Variants in TAF5 observed in about 807,000 individuals in gnomAD.
TAF5 encodes the protein TATA-box binding protein associated factor 5.
TAF5 carries 20 observed loss-of-function variants against 80.9 expected under a neutral mutation model. That is an observed-to-expected ratio of 0.25 (90% confidence interval 0.17 to 0.36). TAF5 has a LOEUF of 0.36. Among genes scored for constraint, TAF5 ranks in the 10% least tolerant of loss-of-function variants. The pLI is 1.00. For missense variants in TAF5, 863 were observed against 1,029.4 expected, an observed-to-expected ratio of 0.84 and a Z score of 2.21; for synonymous variants, 388 against 406.4, an observed-to-expected ratio of 0.95 and a Z score of 0.55.
chr10:103,387,042 T>A (rs1236926104), intron 8 of TAF5, 133 bp from the exon 9 acceptor site: 4 of 778,940 alleles, frequency 5.1e-6, no homozygotes, highest in Non-Finnish European at 7.8e-6. Context: ...TCCCCTCAGT[T>A]AACTAGTAAG....
At chr10:103,369,176 A>G (rs933325040) in intron 1 of TAF5, among the ~76,000 whole-genome samples, 21 of 150,960 alleles carry the variant, frequency 1.4e-4, no homozygotes, top group African/African-American at 4.6e-4. Context: ...GCGGGCTTTC[A>G]CCATGTTGGT....
In TAF5 at chr10:103,388,970, A is replaced by G. The variant is rs895502776; in HGVS notation, c.*747A>G. ...TTTGGGAAACTAAAAGATTTAGACCAAGTCACTGCCAGTTTTTGCCTTTGT... is the reference window on the plus strand; with the variant it reads ...TTTGGGAAACTAAAAGATTTAGACCGAGTCACTGCCAGTTTTTGCCTTTGT... On this transcript the variant is annotated 3_prime_UTR_variant, in exon 11 of 11. Transcript: ENST00000369839. 6.6e-6 allele frequency: 1 copy of G among 152,664 alleles called. No individual in the cohort carries two copies. Among genetic ancestry groups the G allele is most frequent in the Non-Finnish European group, 1.5e-5 (1 of 68,048 alleles). 9.5% of individuals were successfully genotyped at this position (152,664 alleles called of 1,614,324 possible).
intron 1 of TAF5, among the ~76,000 whole-genome samples, 199 bp from the exon 2 acceptor site, chr10:103,373,159 C>T (rs1019661816): frequency 4.6e-5 from 7 of 151,450 alleles, no homozygotes; most frequent in South Asian, 2.1e-4. Flanking sequence ...ATCTCCCCAC[C>T]GCCCTCCAGC....
chr10:103,373,323 G>T (rs773078383), intron 1 of TAF5, 35 bp from the exon 2 acceptor site: 1 of 1,578,046 alleles, frequency 6.3e-7, no homozygotes, highest in Non-Finnish European at 8.7e-7. Flanking sequence ...GTCATAATAG[G>T]TCATTTTCTT....
At chr10:103,371,780 A>T (rs2093360012) in intron 1 of TAF5, among the ~76,000 whole-genome samples, 1 of 152,028 alleles carries the variant, frequency 6.6e-6, no homozygotes, top group South Asian at 2.1e-4. Flanking sequence ...TGGCCCAGAG[A>T]GCTGGGAATG....
At chr10:103,369,621 C>G (rs923102541) in intron 1 of TAF5, among the ~76,000 whole-genome samples, 2 of 151,944 alleles carry the variant, frequency 1.3e-5, no homozygotes, top group Non-Finnish European at 2.9e-5. Context: ...CCTCTGCGTC[C>G]CAAAGTGCTG....
At position 103,379,695 on chromosome 10, in the gene TAF5, A is replaced by G; in HGVS notation, c.1201A>G (p.Lys401Glu). 1 of 1,610,860 alleles carries G rather than the reference A, an allele frequency of 6.2e-7. No individual in the cohort carries two copies. The highest frequency in any genetic ancestry group is 8.5e-7 in the Non-Finnish European group (1 of 1,179,382). Residue 401 changes from lysine to glutamate, a missense_variant, in exon 4 of 11, where the codon AAA becomes GAA. Transcript: ENST00000369839. ...GGGAGAAAATGAAGAAGGAAAACCT[A>G]AAAAGAAGAAGCCTAAAAAAGATAG... ...EEGENEEGKP[K>E]KKKPKKDSIG...
intron 6 of TAF5, 92 bp downstream of exon 6, chr10:103,381,933 C>T: frequency 1.3e-6 from 2 of 1,515,256 alleles, no homozygotes; most frequent in Non-Finnish European, 1.8e-6. Context: ...GTGTTCTTTA[C>T]AGAAATTCAC....
chr10:103,373,627 CACAT>C (rs758717362), intron 2 of TAF5, 32 bp downstream of exon 2: 23 of 1,496,814 alleles, frequency 1.5e-5, no homozygotes, highest in Admixed American at 3.5e-5. Context: ...TATATATACA[CACAT>C]ACGTAGTGTG....
intron 1 of TAF5, 151 bp from the exon 2 acceptor site, chr10:103,373,207 A>AG: frequency 3.0e-6 from 2 of 665,216 alleles, no homozygotes; most frequent in East Asian, 2.8e-5. Flanking sequence ...AAAAAAAAAA[A>AG]AAAAGATTAT....
intron 8 of TAF5, among the ~76,000 whole-genome samples, chr10:103,386,444 AAAC>A (rs2093396510): frequency 1.3e-5 from 2 of 152,182 alleles, no homozygotes; most frequent in African/African-American, 4.8e-5. Context: ...TCTCAAAACA[AAAC>A]AACTATTTGG....
In TAF5 at chr10:103,374,971, T is replaced by C. The variant is rs2093367275; in HGVS notation, c.797+1376T>C. Reference sequence around the variant, plus strand: ...AGTCTCTTCAAAAAAATGCAAAAATTAGCTGGGTGTGGTAGCTCACTCCTG... The same window carrying C: ...AGTCTCTTCAAAAAAATGCAAAAATCAGCTGGGTGTGGTAGCTCACTCCTG... On this transcript the variant is annotated intron_variant, in intron 2 of 10. Transcript: ENST00000369839. This position sits in a 1 kb window ranked among gnomAD's most constrained non-coding sequence, Gnocchi z 4.3. 6.6e-6 allele frequency among the ~76,000 whole-genome samples: 1 copy of C among 151,856 alleles called. No homozygotes were observed. The highest frequency in any genetic ancestry group is 2.4e-5 in the African/African-American group (1 of 41,314).
At chr10:103,371,255 A>C (rs76652215) in intron 1 of TAF5, among the ~76,000 whole-genome samples, 1,729 of 152,256 alleles carry the variant, frequency 0.011, 29 homozygotes, top group African/African-American at 0.039. Flanking sequence ...CAAAAAAAAA[A>C]AAAAAGAGAG....
chr10:103,376,139 T>C (rs960539791), intron 2 of TAF5, among the ~76,000 whole-genome samples: 2 of 151,054 alleles, frequency 1.3e-5, no homozygotes, highest in Admixed American at 6.6e-5. Flanking sequence ...TCACCCAGGC[T>C]GGCATGCAGT....
At position 103,368,126 on chromosome 10, in the gene TAF5, G is replaced by A; in HGVS notation, c.137G>A (p.Gly46Asp). The change falls in exon 1 of 11, where the codon GGC becomes GAC. Residue 46 changes from glycine (G) to aspartate (D), a missense_variant. Coordinates refer to ENST00000369839, the MANE Select transcript of TAF5 (RefSeq NM_006951.5). ...GGCACTACCAACAACGGCCCCAACG[G>A]CGGCGGCGGGAACGTTGCGGCGTCG... ...SGGTTNNGPNGGGGNVAASSS... is the reference protein window; with the variant it reads ...SGGTTNNGPNDGGGNVAASSS... 7.1e-7 allele frequency: 1 copy of A among 1,400,004 alleles called. No individual in the cohort carries two copies. 86.7% of individuals were successfully genotyped at this position (1,400,004 alleles called of 1,614,324 possible).
At position 103,368,219 on chromosome 10, in the gene TAF5, G is replaced by C. The variant is rs1425488925; in HGVS notation, c.230G>C (p.Gly77Ala). 1 of 1,426,822 alleles carries C rather than the reference G, an allele frequency of 7.0e-7. No homozygotes were observed. Among genetic ancestry groups the C allele is most frequent in the Non-Finnish European group, 9.2e-7 (1 of 1,091,638 alleles). The allele number at this position is 1,426,822 out of a possible 1,614,324, so 88.4% of individuals were successfully genotyped here. Residue 77 changes from glycine to alanine, a missense_variant, in exon 1 of 11, where the codon GGG becomes GCG. This residue lies in a region of TAF5 where 367 missense variants were observed against 335.5 expected (regional missense o/e 1.09). Coordinates refer to ENST00000369839, the MANE Select transcript of TAF5 (RefSeq NM_006951.5). ...TVAVSAAAPAGAAPVPAAAPD... is the reference protein window; with the variant it reads ...TVAVSAAAPAAAAPVPAAAPD... ...GCTGTCTCCGCCGCTGCCCCGGCGG[G>C]GGCGGCCCCGGTGCCCGCCGCTGCT...
At chr10:103,373,623 T>TATAC in intron 2 of TAF5, 28 bp downstream of exon 2, 2 of 1,458,838 alleles carry the variant, frequency 1.4e-6, no homozygotes, top group Non-Finnish European at 9.5e-7. Flanking sequence ...TATATATATA[T>TATAC]ACACACATAC....
intron 6 of TAF5, 100 bp downstream of exon 6, chr10:103,381,941 C>T: frequency 6.7e-7 from 1 of 1,498,218 alleles, no homozygotes; most frequent in South Asian, 1.2e-5. Context: ...TACAGAAATT[C>T]ACTTGATTTT....
chr10:103,384,514 CTGGCTACT>C (rs904602769), intron 7 of TAF5, among the ~76,000 whole-genome samples: 22 of 152,098 alleles, frequency 1.4e-4, no homozygotes, highest in African/African-American at 4.6e-4. Context: ...ACCTGTAATC[CTGGCTACT>C]TGGGAGGCCG....
Sources: gnomAD v4.1 joint callset for allele counts (sites outside exome capture counted in the v4.1 genomes callset) on GRCh38, gnomAD v4.1.1 for gene constraint, gnomAD v4.1.1 regional missense constraint, Gnocchi (gnomAD v3.1) non-coding constraint, MANE v1.5 for transcripts, NCBI Gene and HGNC (gene_info 2026-07-23, HGNC 2026-07-21) for gene names.